RBFOX1: variants seen among roughly 807,000 people sequenced by gnomAD.
RBFOX1 encodes the protein RNA binding fox-1 homolog 1.
A neutral mutation model predicts 57.7 loss-of-function variants in RBFOX1; 8 were observed. The ratio of observed to expected loss-of-function variants is 0.14; its 90% CI spans 0.08 to 0.25. RBFOX1 has a LOEUF of 0.25. Among genes scored for constraint, RBFOX1 ranks in the 10% least tolerant of loss-of-function variants. The pLI is 1.00. For synonymous variants in RBFOX1, 326 were observed against 222.4 expected, an observed-to-expected ratio of 1.47 and a Z score of -4.15; for missense variants, 611 against 548.5, an observed-to-expected ratio of 1.11 and a Z score of -1.14.
chr16:6,924,691 A>G (rs2075196631), intron 3 of RBFOX1, among the ~76,000 whole-genome samples: 1 of 151,100 alleles, frequency 6.6e-6, no homozygotes, highest in African/African-American at 2.4e-5. Flanking sequence ...TAATTTTATT[A>G]TTATTATACT....
At chr16:7,671,359 C>T (rs2071372860) in intron 13 of RBFOX1, among the ~76,000 whole-genome samples, 1 of 152,164 alleles carries the variant, frequency 6.6e-6, no homozygotes, top group South Asian at 2.1e-4. Flanking sequence ...TGATACTCTC[C>T]ATTGCAGAGA....
chr16:5,746,020 G>A (rs761783565), intron 3 of RBFOX1, among the ~76,000 whole-genome samples: 11 of 152,156 alleles, frequency 7.2e-5, no homozygotes, highest in East Asian at 1.9e-4. Context: ...GCCCATGCCT[G>A]TGTCCTGAAT....
At chr16:6,524,873 T>C (rs545121550) in intron 2 of RBFOX1, among the ~76,000 whole-genome samples, 1 of 152,274 alleles carries the variant, frequency 6.6e-6, no homozygotes, top group South Asian at 2.1e-4. Flanking sequence ...TCCCTCTCTT[T>C]ATAAGGACAC....
At chr16:7,322,617 A>T (rs1165514597) in intron 4 of RBFOX1, among the ~76,000 whole-genome samples, 3 of 152,196 alleles carry the variant, frequency 2.0e-5, no homozygotes, top group Non-Finnish European at 4.4e-5. Flanking sequence ...GGGGAGTTAC[A>T]TGCGCAGTTT....
At chr16:6,469,554 T>G (rs1026847950) in intron 2 of RBFOX1, among the ~76,000 whole-genome samples, 3 of 152,196 alleles carry the variant, frequency 2.0e-5, no homozygotes, top group Non-Finnish European at 4.4e-5. Context: ...ATGCAAATGC[T>G]CGGAGGTATC....
intron 1 of RBFOX1, among the ~76,000 whole-genome samples, chr16:5,448,760 C>T (rs904215041): frequency 1.3e-5 from 2 of 152,208 alleles, no homozygotes; most frequent in South Asian, 2.1e-4. Flanking sequence ...TTTGTAAGTG[C>T]AGCAGATAGT....
At chr16:5,489,035 C>G (rs1015865755) in intron 2 of RBFOX1, among the ~76,000 whole-genome samples, 1 of 152,194 alleles carries the variant, frequency 6.6e-6, no homozygotes, top group Non-Finnish European at 1.5e-5. Context: ...TACATAAGAA[C>G]GCCAAGGCAG....
At chr16:5,414,399 AT>A (rs1464048274) in intron 1 of RBFOX1, among the ~76,000 whole-genome samples, 2 of 152,184 alleles carry the variant, frequency 1.3e-5, no homozygotes, top group Non-Finnish European at 2.9e-5. Context: ...TAAAGCAGAA[AT>A]GGCCATGCCA....
At position 6,019,999 on chromosome 16, in the gene RBFOX1, C is replaced by A; in HGVS notation, c.-127+7C>A. On this transcript the variant is annotated splice_region_variant and intron_variant, in intron 1 of 15. Transcript: ENST00000550418. The surrounding 1 kb of genome is among the most constrained non-coding windows in gnomAD (Gnocchi z 4.2). ...GGCTCGCCGGGAGTTCTAGGTAAGT[C>A]CAGGCGGAGTCATTGCCTCTGCACC... The A allele has an allele frequency of 6.6e-7, 1 of 1,517,302 alleles. No homozygotes were observed. The highest frequency in any genetic ancestry group is 8.8e-7 in the Non-Finnish European group (1 of 1,134,326). The allele number at this position is 1,517,302 out of a possible 1,614,324, so 94.0% of individuals were successfully genotyped here.
chr16:7,555,815 C>G (rs570260177), intron 5 of RBFOX1, among the ~76,000 whole-genome samples: 3 of 152,304 alleles, frequency 2.0e-5, no homozygotes, highest in East Asian at 3.9e-4. Context: ...AAATGTCAAG[C>G]CTACCTCCAC....
At chr16:5,565,780 A>G (rs950251004) in intron 2 of RBFOX1, among the ~76,000 whole-genome samples, 4 of 152,112 alleles carry the variant, frequency 2.6e-5, no homozygotes, top group South Asian at 2.1e-4. Context: ...TAGCCAGTCT[A>G]CTTGAGGCTA....
chr16:7,447,429 TCA>T (rs2098817600), intron 4 of RBFOX1, among the ~76,000 whole-genome samples: 1 of 38,142 alleles, frequency 2.6e-5, no homozygotes. Context: ...TGAGTCTATC[TCA>T]AAAAAAAAAA....
chr16:7,276,810 A>G lies in RBFOX1; in HGVS notation c.27+224712A>G, dbSNP rs1472096902. The stretch of plus-strand genomic sequence containing the variant: ...TATGCTACCAAAAATGTTCTTAAGG[A>G]TAGTCTGTTAGGAAGGAGGTAATGC... On this transcript the variant is annotated intron_variant, in intron 4 of 15. Transcript: ENST00000550418. Among the ~76,000 whole-genome samples the G allele has an allele frequency of 2.6e-5, 4 of 152,312 alleles. No individual in the cohort carries two copies. In the East Asian group the frequency reaches 7.7e-4, roughly 29 times the overall value.
chr16:6,833,168 T>C (rs1283001063), intron 3 of RBFOX1, among the ~76,000 whole-genome samples: 1 of 151,694 alleles, frequency 6.6e-6, no homozygotes, highest in Non-Finnish European at 1.5e-5. Context: ...ATTTTATTTT[T>C]ATTTATTTAT....
chr16:5,583,349 C>G (rs764644263), intron 2 of RBFOX1, among the ~76,000 whole-genome samples: 5 of 152,212 alleles, frequency 3.3e-5, no homozygotes, highest in African/African-American at 4.8e-5. Flanking sequence ...TAGTATGTAT[C>G]TGTAATAATA....
At chr16:6,899,403 C>T (rs1016530766) in intron 3 of RBFOX1, among the ~76,000 whole-genome samples, 5 of 152,164 alleles carry the variant, frequency 3.3e-5, no homozygotes, top group African/African-American at 4.8e-5. Context: ...TCAAAATTTT[C>T]ATGAAGCATG....
chr16:6,496,530 G>T (rs919042335), intron 2 of RBFOX1, among the ~76,000 whole-genome samples: 1 of 152,172 alleles, frequency 6.6e-6, no homozygotes, highest in Non-Finnish European at 1.5e-5. Flanking sequence ...CCACTTGAAC[G>T]TATCAGTTTA....
At chr16:6,989,611 A>G (rs2091060193) in intron 3 of RBFOX1, among the ~76,000 whole-genome samples, 1 of 152,194 alleles carries the variant, frequency 6.6e-6, no homozygotes, top group Non-Finnish European at 1.5e-5. Flanking sequence ...TAAGAGTGGG[A>G]CAGAAGTTAT....
intron 4 of RBFOX1, among the ~76,000 whole-genome samples, chr16:5,896,027 T>A (rs1408353845): frequency 2.6e-5 from 4 of 152,076 alleles, no homozygotes; most frequent in African/African-American, 7.2e-5. Context: ...TTACGTTGGG[T>A]ACTTCAGATG....
Sources: allele counts gnomAD v4.1 joint callset (sites outside exome capture counted in the v4.1 genomes callset), GRCh38; gene constraint gnomAD v4.1.1; non-coding constraint Gnocchi (gnomAD v3.1); transcripts MANE v1.5; gene names NCBI Gene and HGNC (gene_info 2026-07-23, HGNC 2026-07-21).